ZNF385D: variants seen among roughly 807,000 people sequenced by gnomAD.
The protein encoded by ZNF385D is zinc finger protein 659.
ZNF385D carries 15 observed loss-of-function variants against 35.8 expected under a neutral mutation model. The ratio of observed to expected loss-of-function variants is 0.42; its 90% CI spans 0.28 to 0.64. ZNF385D has a LOEUF of 0.64. Among genes scored for constraint, ZNF385D ranks in the 30% least tolerant of loss-of-function variants. The pLI is 0.23. For missense variants in ZNF385D, 474 were observed against 494.6 expected, an observed-to-expected ratio of 0.96 and a Z score of 0.39; for synonymous variants, 212 against 186.8, an observed-to-expected ratio of 1.13 and a Z score of -1.10.
chr3:21,759,426 T>C (rs987921183), intron 3 of ZNF385D, among the ~76,000 whole-genome samples: 1 of 151,446 alleles, frequency 6.6e-6, no homozygotes, highest in Admixed American at 6.6e-5. Flanking sequence ...AGATGCCATA[T>C]TGGATGAGAT....
chr3:22,372,580 G>C (rs1316858088), exon 2 of ZNF385D: 1 of 974,850 alleles, frequency 1.0e-6, no homozygotes, highest in Non-Finnish European at 1.2e-6. Context: ...CGCCGGGGCT[G>C]GCTGTCCCGG....
At chr3:21,753,740 CATTT>C (rs1299200278), upstream of ZNF385D, among the ~76,000 whole-genome samples, 2 of 146,444 alleles carry the variant, frequency 1.4e-5, no homozygotes, top group East Asian at 4.0e-4. Flanking sequence ...TATTTGTATA[CATTT>C]ATTAAAAAAT....
At chr3:21,948,781 A>T (rs1431867858) in intron 3 of ZNF385D, among the ~76,000 whole-genome samples, 5 of 152,172 alleles carry the variant, frequency 3.3e-5, no homozygotes. Context: ...TAGAACAAAA[A>T]ATGTGAAATT....
At chr3:21,819,622 GTATTA>G (rs1282351164) in intron 3 of ZNF385D, among the ~76,000 whole-genome samples, 6 of 141,878 alleles carry the variant, frequency 4.2e-5, no homozygotes, top group Non-Finnish European at 9.1e-5. Flanking sequence ...ATATATGTAT[GTATTA>G]TATAATTATA....
intron 3 of ZNF385D, among the ~76,000 whole-genome samples, chr3:22,059,503 CG>C (rs1289154356): frequency 6.6e-6 from 1 of 152,110 alleles, no homozygotes; most frequent in Admixed American, 6.5e-5. Flanking sequence ...GAGTGACAGA[CG>C]TATCTTTCTT....
intron 3 of ZNF385D, among the ~76,000 whole-genome samples, chr3:21,847,299 C>T (rs893264165): frequency 6.6e-6 from 1 of 151,960 alleles, no homozygotes; most frequent in South Asian, 2.1e-4. Flanking sequence ...TCAAAACAGT[C>T]GTTGCTGGAG....
chr3:22,024,859 C>G (rs1488970550), intron 3 of ZNF385D, among the ~76,000 whole-genome samples: 1 of 152,134 alleles, frequency 6.6e-6, no homozygotes, highest in African/African-American at 2.4e-5. Context: ...TGTCTCCCAG[C>G]TTCAGAAGCA....
rs181831351 is a variant in ZNF385D, at chr3:21,862,187, G to A, written c.326-197159C>T. Among the ~76,000 whole-genome samples the A allele has an allele frequency of 3.9e-5, 6 of 151,956 alleles. No individual in the cohort carries two copies. The East Asian group carries it at 1.2e-3, about 30-fold the overall frequency. Reference sequence around the variant, plus strand: ...CAAATTCTTTTGATAAGATATTGTAGAATACCTTAACTCATAGTTCCACAT... The same window carrying A: ...CAAATTCTTTTGATAAGATATTGTAAAATACCTTAACTCATAGTTCCACAT... On this transcript the variant is annotated intron_variant, in intron 3 of 5. Transcript: ENST00000494108.
chr3:21,655,459 T>G (rs1027074976), intron 2 of ZNF385D, among the ~76,000 whole-genome samples: 2 of 152,050 alleles, frequency 1.3e-5, no homozygotes, highest in African/African-American at 4.8e-5. Context: ...TATTAACATT[T>G]AAAGTTATTT....
chr3:21,924,227 T>C (rs1162068104), intron 3 of ZNF385D, among the ~76,000 whole-genome samples: 1 of 151,882 alleles, frequency 6.6e-6, no homozygotes, highest in Non-Finnish European at 1.5e-5. Flanking sequence ...ACATTATATA[T>C]AATACAAACA....
At chr3:21,920,063 G>C (rs1171895662) in intron 3 of ZNF385D, among the ~76,000 whole-genome samples, 1 of 152,178 alleles carries the variant, frequency 6.6e-6, no homozygotes, top group African/African-American at 2.4e-5. Flanking sequence ...TCTAGCCAAA[G>C]TATATTTTGG....
chr3:22,169,022 T>C, exon 3 of ZNF385D: 8 of 985,862 alleles, frequency 8.1e-6, no homozygotes, highest in Non-Finnish European at 9.6e-6. Context: ...CGCCATCGTG[T>C]ACACAGGTGA....
At chr3:21,975,035 A>C (rs1247647206) in intron 3 of ZNF385D, among the ~76,000 whole-genome samples, 2 of 152,206 alleles carry the variant, frequency 1.3e-5, no homozygotes, top group Non-Finnish European at 2.9e-5. Flanking sequence ...TAAAAATAGA[A>C]CTGCCATACA....
At chr3:21,728,343 A>C (rs1042409959) in intron 1 of ZNF385D, among the ~76,000 whole-genome samples, 28 of 151,754 alleles carry the variant, frequency 1.8e-4, no homozygotes, top group African/African-American at 6.5e-4. Context: ...ATGTACAACA[A>C]ATATGGTGGC....
intron 3 of ZNF385D, among the ~76,000 whole-genome samples, chr3:22,152,192 T>C (rs553122522): frequency 9.2e-5 from 14 of 152,288 alleles, no homozygotes; most frequent in Admixed American, 9.2e-4. Context: ...TCTCGTTCTT[T>C]TTTATGGCTG....
rs137985593 is a variant in ZNF385D at position 21,845,099 on chromosome 3, A to G, written c.326-180071T>C. Among the ~76,000 whole-genome samples, 80 of 152,128 alleles carry G rather than the reference A, an allele frequency of 5.3e-4. 1 individual carries two copies. In the Middle Eastern group the frequency reaches 0.014, roughly 26 times the overall value. Reference sequence around the variant, plus strand: ...CTTTGCGACATTTTTATTCAAGAGAATAACTTAAGAGTTAAAATGTCAGAA... The same window carrying G: ...CTTTGCGACATTTTTATTCAAGAGAGTAACTTAAGAGTTAAAATGTCAGAA... On this transcript the variant is annotated intron_variant, in intron 3 of 5. Coordinates refer to the ZNF385D transcript ENST00000494108.
At position 21,627,459 on chromosome 3, in the gene ZNF385D, G is replaced by A. The variant is rs184052152; in HGVS notation, c.165+37427C>T. ...ATTTTTTAAATAAGAGAAGCTGAAC[G>A]TTCATAAGGCGAAAAAAGATGCTGT... On this transcript the variant is annotated intron_variant, in intron 2 of 7. Transcript: ENST00000281523. 3.6e-3 allele frequency among the ~76,000 whole-genome samples: 543 copies of A among 152,012 alleles called. 5 individuals carry two copies. Among genetic ancestry groups the A allele is most frequent in the Non-Finnish European group, 5.6e-3 (379 of 67,946 alleles).
At chr3:22,226,625 A>G (rs1356523694) in intron 2 of ZNF385D, among the ~76,000 whole-genome samples, 1 of 152,182 alleles carries the variant, frequency 6.6e-6, no homozygotes, top group Non-Finnish European at 1.5e-5. Context: ...TTTGTTTATG[A>G]TATGCTTTGC....
intron 2 of ZNF385D, among the ~76,000 whole-genome samples, chr3:22,274,116 G>A (rs1001044415): frequency 1.3e-5 from 2 of 151,850 alleles, no homozygotes; most frequent in Non-Finnish European, 1.5e-5. Context: ...TCTCCTGGAA[G>A]GGGCACATCT....
Sources: allele counts gnomAD v4.1 joint callset (sites outside exome capture counted in the v4.1 genomes callset), GRCh38; gene constraint gnomAD v4.1.1; transcripts MANE v1.5; gene names NCBI Gene and HGNC (gene_info 2026-07-23, HGNC 2026-07-21).